Variants in FOCAD observed in about 807,000 individuals in gnomAD.
FOCAD encodes focadhesin.
FOCAD carries 198 observed loss-of-function variants against 225.6 expected under a neutral mutation model. The ratio of observed to expected loss-of-function variants is 0.88; its 90% CI spans 0.78 to 0.99. FOCAD has a LOEUF of 0.99. Ranked by LOEUF, FOCAD falls within the 50% of genes least tolerant of loss-of-function variation. FOCAD has a pLI of 0.00. For synonymous variants in FOCAD, 897 were observed against 755.0 expected (o/e 1.19, Z -3.08); for missense variants, 2,713 against 2,123.6 (o/e 1.28, Z -5.46).
intron 35 of FOCAD, among the ~76,000 whole-genome samples, chr9:20,960,867 G>C (rs1476788579): frequency 1.3e-5 from 2 of 151,856 alleles, no homozygotes; most frequent in African/African-American, 4.8e-5. Context: ...TCTCGTGATA[G>C]TTTGCTGAGA....
rs995393515 is a variant in FOCAD, at chr9:20,879,791, AT to A, written c.2318-2077del. Among the ~76,000 whole-genome samples, 75 of 152,284 alleles carry A rather than the reference AT, an allele frequency of 4.9e-4. 1 individual carries two copies. Among genetic ancestry groups the A allele is most frequent in the African/African-American group, 1.7e-3 (71 of 41,576 alleles). On this transcript the variant is annotated intron_variant, in intron 19 of 43. Coordinates refer to ENST00000338382, the MANE Select transcript of FOCAD (RefSeq NM_001375567.1). ...CTTAGCCTCCTGGCATCTTATCCTC[AT>A]TTAAATTAATCCCTGGGCTGGTGTT...
At chr9:20,866,048 C>T (rs537785509) in intron 17 of FOCAD, 72 bp downstream of exon 17, 2 of 1,276,400 alleles carry the variant, frequency 1.6e-6, no homozygotes, top group African/African-American at 1.5e-5. Flanking sequence ...TAAAATAAGA[C>T]TCTTAGGATA....
intron 15 of FOCAD, among the ~76,000 whole-genome samples, chr9:20,837,350 A>G (rs1826092925): frequency 6.6e-6 from 1 of 152,064 alleles, no homozygotes; most frequent in African/African-American, 2.4e-5. Context: ...AGATCAAACA[A>G]GCTGGACACT....
At chr9:20,856,840 A>G (rs1828233149) in intron 15 of FOCAD, among the ~76,000 whole-genome samples, 1 of 151,962 alleles carries the variant, frequency 6.6e-6, no homozygotes, top group South Asian at 2.1e-4. Flanking sequence ...CCATTTATTG[A>G]AGACTGTCCT....
chr9:20,656,906 C>T (rs543614068), upstream of FOCAD, among the ~76,000 whole-genome samples: 10 of 151,632 alleles, frequency 6.6e-5, no homozygotes, highest in African/African-American at 1.5e-4. Context: ...GATTTTGCAG[C>T]GGCTGGTACC....
intron 35 of FOCAD, among the ~76,000 whole-genome samples, chr9:20,956,092 T>C (rs1838111650): frequency 6.6e-6 from 1 of 152,222 alleles, no homozygotes; most frequent in African/African-American, 2.4e-5. Flanking sequence ...TATGGGCTAA[T>C]TGGTCAGTGA....
chr9:20,768,436 A>T (rs1225853483), intron 7 of FOCAD, among the ~76,000 whole-genome samples: 1 of 151,946 alleles, frequency 6.6e-6, no homozygotes, highest in African/African-American at 2.4e-5. Context: ...CATTTTCACG[A>T]TATTGATTCT....
At chr9:20,660,217 G>A (rs1821672149) in intron 2 of FOCAD, among the ~76,000 whole-genome samples, 1 of 152,112 alleles carries the variant, frequency 6.6e-6, no homozygotes, top group Non-Finnish European at 1.5e-5. Context: ...TAGTAGTTAT[G>A]GTTAACACTT....
At chr9:20,865,747 G>A (rs1829172277) in intron 16 of FOCAD, among the ~76,000 whole-genome samples, 179 bp from the exon 17 acceptor site, 1 of 152,088 alleles carries the variant, frequency 6.6e-6, no homozygotes, top group South Asian at 2.1e-4. Flanking sequence ...TGTGCTTAGA[G>A]GATGAGTTTG....
intron 1 of FOCAD, among the ~76,000 whole-genome samples, chr9:20,702,974 T>G (rs1226374473): frequency 2.0e-5 from 3 of 152,144 alleles, no homozygotes; most frequent in African/African-American, 7.2e-5. Flanking sequence ...GCCACTGCAT[T>G]CCAGCCTGGG....
chr9:20,977,509 C>T (rs568021039), intron 36 of FOCAD, among the ~76,000 whole-genome samples: 55 of 152,130 alleles, frequency 3.6e-4, no homozygotes, highest in African/African-American at 1.3e-3. Flanking sequence ...TACTTGTTCC[C>T]CACCCTAACT....
At chr9:20,793,852 A>G (rs1820790674) in intron 11 of FOCAD, among the ~76,000 whole-genome samples, 1 of 152,142 alleles carries the variant, frequency 6.6e-6, no homozygotes, top group African/African-American at 2.4e-5. Flanking sequence ...GCTCAAGGGA[A>G]AATACGTTGA....
In FOCAD at chr9:20,725,813, C is replaced by T. The variant is rs188051885; in HGVS notation, c.287+5279C>T. 6.4e-3 allele frequency among the ~76,000 whole-genome samples: 980 copies of T among 152,274 alleles called. 7 individuals carry two copies. Among genetic ancestry groups the T allele is most frequent in the Non-Finnish European group, 9.4e-3 (637 of 68,010 alleles). ...GTGGCTGGGAAAGGGTCTGGCTGTG[C>T]TTGAGAGACTGTTCTCTTCAAAGGA... On this transcript the variant is annotated intron_variant, in intron 4 of 43. Coordinates refer to ENST00000338382, the MANE Select transcript of FOCAD (RefSeq NM_001375567.1).
chr9:20,741,466 T>C (rs1827606929), intron 5 of FOCAD, among the ~76,000 whole-genome samples: 1 of 152,192 alleles, frequency 6.6e-6, no homozygotes, highest in Non-Finnish European at 1.5e-5. Flanking sequence ...TTATTGTTTC[T>C]TAAGGCATTT....
chr9:20,741,222 C>T (rs1441337071), intron 5 of FOCAD, among the ~76,000 whole-genome samples: 1 of 152,160 alleles, frequency 6.6e-6, no homozygotes, highest in Admixed American at 6.5e-5. Context: ...CTTACAGCAC[C>T]TGTAGTCTTC....
intron 1 of FOCAD, among the ~76,000 whole-genome samples, chr9:20,703,062 TG>T (rs1824095682): frequency 6.8e-6 from 1 of 146,226 alleles, no homozygotes; most frequent in African/African-American, 2.6e-5. Flanking sequence ...TTTGGGGAGG[TG>T]GGGGTGGAGT....
At chr9:20,963,374 C>T (rs912261168) in intron 35 of FOCAD, among the ~76,000 whole-genome samples, 4 of 152,142 alleles carry the variant, frequency 2.6e-5, no homozygotes, top group South Asian at 2.1e-4. Flanking sequence ...AAGAATAAAA[C>T]GTCTGGAAAA....
chr9:20,957,219 AG>A (rs1481857395), intron 35 of FOCAD, among the ~76,000 whole-genome samples: 3 of 143,574 alleles, frequency 2.1e-5, no homozygotes, highest in Non-Finnish European at 4.5e-5. Flanking sequence ...ACATACAACC[AG>A]GATCAGATAA....
At chr9:20,983,408 C>G (rs910304336) in intron 39 of FOCAD, among the ~76,000 whole-genome samples, 1 of 151,844 alleles carries the variant, frequency 6.6e-6, no homozygotes, top group Non-Finnish European at 1.5e-5. Flanking sequence ...CCCGTCTCTA[C>G]TAAAGGTACA....
Sources: allele counts gnomAD v4.1 joint callset (sites outside exome capture counted in the v4.1 genomes callset), GRCh38; gene constraint gnomAD v4.1.1; transcripts MANE v1.5; gene names NCBI Gene and HGNC (gene_info 2026-07-23, HGNC 2026-07-21).